Variants in TSPAN5 observed in about 807,000 individuals in gnomAD.
TSPAN5 encodes tetraspanin-5.
TSPAN5 carries 10 observed loss-of-function variants against 37.1 expected under a neutral mutation model. That is an observed-to-expected ratio of 0.27 (90% confidence interval 0.17 to 0.46). The LOEUF is 0.46. TSPAN5 is among the 20% of genes least tolerant of loss of function. The pLI, the probability that TSPAN5 is intolerant of heterozygous loss-of-function variation, is 1.00. For synonymous variants in TSPAN5, 110 were observed against 118.9 expected (o/e 0.93, Z 0.48); for missense variants, 195 against 326.6 (o/e 0.60, Z 3.11).
intron 1 of TSPAN5, among the ~76,000 whole-genome samples, chr4:98,585,667 G>C (rs1450939330): frequency 2.0e-5 from 3 of 152,116 alleles, no homozygotes; most frequent in African/African-American, 7.2e-5. Context: ...CTTGTAAGTG[G>C]GAACATGTAG....
chr4:98,524,076 C>T (rs1231027628), intron 1 of TSPAN5, among the ~76,000 whole-genome samples: 1 of 152,102 alleles, frequency 6.6e-6, no homozygotes, highest in Non-Finnish European at 1.5e-5. Flanking sequence ...TACCTAAGCA[C>T]AATATAAGGT....
chr4:98,474,478 G>T (rs1290837405), intron 7 of TSPAN5, among the ~76,000 whole-genome samples: 1 of 151,834 alleles, frequency 6.6e-6, no homozygotes, highest in Non-Finnish European at 1.5e-5. Context: ...CCCCCAAGTA[G>T]CTGGGACCAC....
At chr4:98,556,005 A>G (rs971327290) in intron 1 of TSPAN5, among the ~76,000 whole-genome samples, 8 of 132,476 alleles carry the variant, frequency 6.0e-5, no homozygotes, top group Non-Finnish European at 1.1e-4. Context: ...GCACACACAC[A>G]CGTGCACAGC....
At chr4:98,515,568 G>T (rs760526791) in intron 1 of TSPAN5, among the ~76,000 whole-genome samples, 4 of 151,860 alleles carry the variant, frequency 2.6e-5, no homozygotes, top group Non-Finnish European at 5.9e-5. Flanking sequence ...CTTGCTGCAT[G>T]TGCCCTTATT....
intron 1 of TSPAN5, among the ~76,000 whole-genome samples, chr4:98,656,423 C>T (rs545835809): frequency 4.6e-5 from 7 of 152,316 alleles, no homozygotes; most frequent in East Asian, 3.9e-4. Context: ...GAACCAGTCC[C>T]AGTTCGGTAG....
intron 1 of TSPAN5, among the ~76,000 whole-genome samples, chr4:98,527,405 C>T (rs979651974): frequency 1.3e-5 from 2 of 152,242 alleles, no homozygotes; most frequent in East Asian, 3.9e-4. Flanking sequence ...AAATTCTAGG[C>T]AAAAATCACA....
At chr4:98,651,595 T>C (rs1174459101) in intron 1 of TSPAN5, among the ~76,000 whole-genome samples, 1 of 152,194 alleles carries the variant, frequency 6.6e-6, no homozygotes, top group Non-Finnish European at 1.5e-5. Flanking sequence ...TAAAAACAGG[T>C]TCTCTATACT....
chr4:98,649,443 G>A (rs1757137896), intron 1 of TSPAN5, among the ~76,000 whole-genome samples: 1 of 152,152 alleles, frequency 6.6e-6, no homozygotes, highest in Non-Finnish European at 1.5e-5. Flanking sequence ...AGCTTAGGGG[G>A]ATGGTTTAAT....
At chr4:98,565,085 C>A (rs1415728276) in intron 1 of TSPAN5, among the ~76,000 whole-genome samples, 1 of 152,204 alleles carries the variant, frequency 6.6e-6, no homozygotes, top group African/African-American at 2.4e-5. Flanking sequence ...CTGCCACCTA[C>A]AAACCTACTT....
intron 1 of TSPAN5, among the ~76,000 whole-genome samples, chr4:98,622,467 T>C (rs1228922417): frequency 6.6e-6 from 1 of 152,240 alleles, no homozygotes; most frequent in East Asian, 1.9e-4. Flanking sequence ...GGTAATTCTT[T>C]AACTTTTTTG....
chr4:98,640,859 A>T (rs1422633018), intron 1 of TSPAN5, among the ~76,000 whole-genome samples: 2 of 152,200 alleles, frequency 1.3e-5, no homozygotes, highest in Non-Finnish European at 2.9e-5. Context: ...TGGTCCCTCA[A>T]TTATCACGTC....
intron 1 of TSPAN5, among the ~76,000 whole-genome samples, chr4:98,612,911 A>T (rs1217896892): frequency 6.6e-6 from 1 of 152,106 alleles, no homozygotes; most frequent in Admixed American, 6.5e-5. Context: ...TCAAAACTAC[A>T]TTCTTTCTGC....
intron 1 of TSPAN5, among the ~76,000 whole-genome samples, chr4:98,554,604 A>G (rs1754697174): frequency 6.6e-6 from 1 of 152,376 alleles, no homozygotes; most frequent in South Asian, 2.1e-4. Context: ...TTACCATATT[A>G]TCTTTATTTC....
intron 1 of TSPAN5, among the ~76,000 whole-genome samples, chr4:98,580,911 A>G (rs1317237583): frequency 6.6e-6 from 1 of 152,142 alleles, no homozygotes; most frequent in Admixed American, 6.5e-5. Flanking sequence ...ATTTCTGTGG[A>G]AAACAAAAGA....
rs760361020 is a variant in TSPAN5 at position 98,486,875 on chromosome 4, A to T, written c.142T>A (p.Ser48Thr). Residue 48 changes from serine (S) to threonine (T), a missense_variant, in exon 3 of 8, where the codon TCC becomes ACC. Coordinates refer to ENST00000305798, the MANE Select transcript of TSPAN5 (RefSeq NM_005723.4). ...LWAWNEKGVLSNISSITDLGG... is the reference protein window; with the variant it reads ...LWAWNEKGVLTNISSITDLGG... ...AGATCGGTGATGGAAGAGATGTTGG[A>T]CAGAACTCCCTGGGAGCAGAAAAGA... 6 of 1,613,996 alleles carry T rather than the reference A, an allele frequency of 3.7e-6. No homozygotes were observed. The highest frequency in any genetic ancestry group is 2.2e-5 in the South Asian group (2 of 91,062).
intron 1 of TSPAN5, among the ~76,000 whole-genome samples, chr4:98,543,861 A>G (rs1754413870): frequency 6.6e-6 from 1 of 152,064 alleles, no homozygotes; most frequent in African/African-American, 2.4e-5. Context: ...CAGTTATAGA[A>G]TATTAGATCA....
chr4:98,471,053 G>A lies in TSPAN5; in HGVS notation c.*1469C>T, dbSNP rs1466020841. On this transcript the variant is annotated 3_prime_UTR_variant, in exon 8 of 8. Coordinates refer to ENST00000305798, the MANE Select transcript of TSPAN5 (RefSeq NM_005723.4). ...ACTCGTCCCTCCCACCTAAAGTGGG[G>A]GCAGGAGCGGCAGCACCAGGAAGTG... 6.6e-6 allele frequency: 1 copy of A among 152,200 alleles called. No individual in the cohort carries two copies. The highest frequency in any genetic ancestry group is 6.5e-5 in the Admixed American group (1 of 15,286). The allele number at this position is 152,200 out of a possible 1,614,324, so 9.4% of individuals were successfully genotyped here.
intron 1 of TSPAN5, among the ~76,000 whole-genome samples, chr4:98,564,233 T>C (rs1439198311): frequency 6.6e-6 from 1 of 152,350 alleles, no homozygotes; most frequent in East Asian, 1.9e-4. Context: ...ACAGTTTACA[T>C]GCTTTTCTAT....
chr4:98,543,762 T>C (rs1754412222), intron 1 of TSPAN5, among the ~76,000 whole-genome samples: 2 of 152,048 alleles, frequency 1.3e-5, no homozygotes. Context: ...TTTCTAATTT[T>C]CCCCCAAATA....
Sources: allele counts gnomAD v4.1 joint callset (sites outside exome capture counted in the v4.1 genomes callset), GRCh38; gene constraint gnomAD v4.1.1; transcripts MANE v1.5; gene names NCBI Gene and HGNC (gene_info 2026-07-23, HGNC 2026-07-21).